The following DHRSX variants were observed in gnomAD, a reference collection of about 807,000 sequenced individuals.
DHRSX encodes dehydrogenase/reductase X-linked.
A neutral mutation model predicts 34.0 loss-of-function variants in DHRSX; 31 were observed. The observed-to-expected ratio is 0.91, with a 90% confidence interval of 0.69 to 1.23. The LOEUF (loss-of-function observed/expected upper bound fraction) is 1.23, where lower values mean the gene tolerates loss of function less well. DHRSX is among the 50% of genes most tolerant of loss of function. The pLI is 0.00. For missense variants in DHRSX, 414 were observed against 428.1 expected (o/e 0.97, Z 0.29); for synonymous variants, 201 against 183.8 (o/e 1.09, Z -0.76).
At chrX:2,314,429 A>AGAAGGAAGGAAG (rs1443771368) in intron 3 of DHRSX, among the ~76,000 whole-genome samples, 3 of 83,182 alleles carry the variant, frequency 3.6e-5, no homozygotes, top group Non-Finnish European at 6.3e-5. Context: ...AAGGAAGGGG[A>AGAAGGAAGGAAG]GAAGGGAGGA....
chrX:2,222,442 T>G (rs2015541764), intron 6 of DHRSX, among the ~76,000 whole-genome samples: 1 of 152,198 alleles, frequency 6.6e-6, no homozygotes. Flanking sequence ...AACCAGGGAA[T>G]TGCTAGCATT....
chrX:2,382,870 TC>T (rs1350975463), intron 3 of DHRSX, among the ~76,000 whole-genome samples: 1 of 142,736 alleles, frequency 7.0e-6, no homozygotes, highest in African/African-American at 2.6e-5. Flanking sequence ...ATCATCACTA[TC>T]ATCATCATCA....
chrX:2,500,741 C>T, intron 1 of DHRSX, 76 bp downstream of exon 1: 1 of 686,744 alleles, frequency 1.5e-6, no homozygotes, highest in Non-Finnish European at 1.8e-6. Context: ...ACGCGGAGCC[C>T]CCGCGCCCCC....
At chrX:2,386,885 T>G (rs1259830266) in intron 3 of DHRSX, among the ~76,000 whole-genome samples, 1 of 117,968 alleles carries the variant, frequency 8.5e-6, no homozygotes, top group South Asian at 2.7e-4. Flanking sequence ...TGGTTTTGTT[T>G]TTTTTTTTTT....
At chrX:2,239,963 T>C (rs1203489478) in intron 6 of DHRSX, among the ~76,000 whole-genome samples, 1 of 151,988 alleles carries the variant, frequency 6.6e-6, no homozygotes, top group Non-Finnish European at 1.5e-5. Context: ...GAATTAGAGA[T>C]GTGAAGAACA....
intron 3 of DHRSX, among the ~76,000 whole-genome samples, chrX:2,310,280 G>T (rs1470836002): frequency 6.6e-6 from 1 of 152,120 alleles, no homozygotes; most frequent in Non-Finnish European, 1.5e-5. Context: ...TCATTCAGGA[G>T]GGAAGGAACC....
chrX:2,289,639 G>A (rs560809038), intron 4 of DHRSX, among the ~76,000 whole-genome samples: 21 of 152,260 alleles, frequency 1.4e-4, no homozygotes, highest in African/African-American at 3.9e-4. Context: ...ATGAGACGTC[G>A]GGTCGTGTAG....
chrX:2,396,106 G>C (rs754514068), intron 3 of DHRSX, among the ~76,000 whole-genome samples: 3 of 151,910 alleles, frequency 2.0e-5, no homozygotes, highest in African/African-American at 7.3e-5. Flanking sequence ...TGGCCGCATC[G>C]CTCCAGTCTC....
intron 5 of DHRSX, among the ~76,000 whole-genome samples, chrX:2,246,748 G>GAAA (rs1556432542): frequency 2.9e-5 from 3 of 103,778 alleles, no homozygotes; most frequent in Non-Finnish European, 6.9e-5. Flanking sequence ...AAGAAAGAAA[G>GAAA]AAAAAGAAAG....
At chrX:2,400,865 A>G (rs1014401888) in intron 3 of DHRSX, among the ~76,000 whole-genome samples, 6 of 152,170 alleles carry the variant, frequency 3.9e-5, no homozygotes, top group Admixed American at 3.3e-4. Flanking sequence ...AGTATTTTAT[A>G]GGTCATTGGA....
intron 1 of DHRSX, among the ~76,000 whole-genome samples, chrX:2,492,175 C>A (rs1235590764): frequency 6.6e-6 from 1 of 152,070 alleles, no homozygotes; most frequent in Non-Finnish European, 1.5e-5. Flanking sequence ...TGTATGGGAC[C>A]TTGTTTGGAA....
At chrX:2,267,876 G>C (rs2041496407) in intron 4 of DHRSX, among the ~76,000 whole-genome samples, 1 of 152,122 alleles carries the variant, frequency 6.6e-6, no homozygotes, top group Admixed American at 6.6e-5. Flanking sequence ...GAGCCCAAGA[G>C]GTGGAGGTTG....
At chrX:2,422,062 G>A (rs890934515) in intron 2 of DHRSX, among the ~76,000 whole-genome samples, 12 of 152,116 alleles carry the variant, frequency 7.9e-5, no homozygotes, top group Admixed American at 2.6e-4. Context: ...TTGGGCTATC[G>A]CAAAGGCATT....
chrX:2,390,877 C>T (rs1255114090), intron 3 of DHRSX, among the ~76,000 whole-genome samples: 4 of 151,294 alleles, frequency 2.6e-5, no homozygotes, highest in African/African-American at 9.7e-5. Context: ...TTTGCTTATC[C>T]ATCTGCCTGT....
chrX:2,483,485 T>C (rs2044805769), intron 1 of DHRSX, among the ~76,000 whole-genome samples: 1 of 151,982 alleles, frequency 6.6e-6, no homozygotes, highest in African/African-American at 2.4e-5. Context: ...CCCAGGCTGG[T>C]CTCAAACTCC....
chrX:2,409,865 G>A (rs2043604373), intron 2 of DHRSX, among the ~76,000 whole-genome samples: 1 of 152,050 alleles, frequency 6.6e-6, no homozygotes. Context: ...GAGTAGCTGG[G>A]ATTAGAGGTG....
intron 1 of DHRSX, among the ~76,000 whole-genome samples, chrX:2,430,867 AC>A (rs1188790994): frequency 6.6e-6 from 1 of 151,952 alleles, no homozygotes; most frequent in East Asian, 1.9e-4. Context: ...AAAAAAAGGT[AC>A]AAAAAAATTA....
chrX:2,459,347 G>T (rs139928848), intron 1 of DHRSX, among the ~76,000 whole-genome samples: 8 of 151,756 alleles, frequency 5.3e-5, no homozygotes, highest in South Asian at 2.1e-4. Context: ...ATGTAAATTA[G>T]CTTGTTAATA....
chrX:2,398,932 A>G (rs1360874211), intron 3 of DHRSX, among the ~76,000 whole-genome samples: 1 of 152,000 alleles, frequency 6.6e-6, no homozygotes, highest in Non-Finnish European at 1.5e-5. Flanking sequence ...GGCTCACTGC[A>G]AGCTCCCCCT....
Sources: gnomAD v4.1 joint callset for allele counts (sites outside exome capture counted in the v4.1 genomes callset) on GRCh38, gnomAD v4.1.1 for gene constraint, MANE v1.5 for transcripts, NCBI Gene and HGNC (gene_info 2026-07-23, HGNC 2026-07-21) for gene names.